TMOD1: variants seen among roughly 807,000 people sequenced by gnomAD.
TMOD1 encodes the protein tropomodulin-1.
TMOD1 carries 17 observed loss-of-function variants against 40.6 expected under a neutral mutation model. That is an observed-to-expected ratio of 0.42 (90% CI 0.29 to 0.63). TMOD1 has a LOEUF of 0.63. Among genes scored for constraint, TMOD1 ranks in the 20% least tolerant of loss-of-function variants. The pLI is 0.22. For missense variants in TMOD1, 391 were observed against 447.6 expected, an observed-to-expected ratio of 0.87 and a Z score of 1.14; for synonymous variants, 181 against 175.0, an observed-to-expected ratio of 1.03 and a Z score of -0.27.
chr9:97,507,932 G>A (rs541372023), intron 1 of TMOD1, among the ~76,000 whole-genome samples: 10 of 152,080 alleles, frequency 6.6e-5, no homozygotes, highest in African/African-American at 2.2e-4. Flanking sequence ...GGCGGACTCC[G>A]GATCAGTCTG....
intron 8 of TMOD1, among the ~76,000 whole-genome samples, chr9:97,582,321 G>A (rs1279645191): frequency 6.3e-5 from 9 of 141,884 alleles, no homozygotes; most frequent in East Asian, 4.2e-4. Context: ...GATATGTGGC[G>A]TTATTTCTGA....
chr9:97,596,069 CA>C (rs922343142), intron 9 of TMOD1, among the ~76,000 whole-genome samples: 55 of 145,222 alleles, frequency 3.8e-4, no homozygotes, highest in Admixed American at 8.9e-4. Flanking sequence ...AAAACTCCAT[CA>C]AAAAAAAAAG....
At chr9:97,503,106 C>T (rs1218517233) in intron 1 of TMOD1, among the ~76,000 whole-genome samples, 1 of 152,158 alleles carries the variant, frequency 6.6e-6, no homozygotes, top group East Asian at 1.9e-4. Context: ...CCCCTAGGGC[C>T]CCCACCCCAT....
intron 8 of TMOD1, among the ~76,000 whole-genome samples, chr9:97,581,026 G>T: frequency 1.6e-5 from 2 of 125,548 alleles, no homozygotes; most frequent in African/African-American, 3.1e-5. Context: ...TAAGTTTTAG[G>T]GTACATGTGC....
intron 9 of TMOD1, among the ~76,000 whole-genome samples, chr9:97,599,085 A>T (rs1030582816): frequency 6.6e-6 from 1 of 152,128 alleles, no homozygotes; most frequent in Non-Finnish European, 1.5e-5. Context: ...CATGGCATTT[A>T]ACTACTTTGT....
rs1826253837 is a variant in TMOD1 at position 97,601,346 on chromosome 9, G to C, written c.*1648G>C. On this transcript the variant is annotated 3_prime_UTR_variant, in exon 10 of 10. Coordinates refer to ENST00000259365, the MANE Select transcript of TMOD1 (RefSeq NM_003275.4). ...CTGGGCAGCCACCATGGCAGTGCTG[G>C]ATGACCTCAGTAAGAATGTGTCATG... The C allele has an allele frequency of 8.8e-7, 1 of 1,139,296 alleles. No homozygotes were observed. The highest frequency in any genetic ancestry group is 1.1e-6 in the Non-Finnish European group (1 of 913,856). 70.6% of individuals were successfully genotyped at this position (1,139,296 alleles called of 1,614,324 possible).
intron 8 of TMOD1, among the ~76,000 whole-genome samples, chr9:97,572,747 T>C (rs1351496528): frequency 1.3e-5 from 2 of 152,212 alleles, no homozygotes; most frequent in Middle Eastern, 3.2e-3. Context: ...CAAGTCTCTG[T>C]CCTTCTTTCT....
intron 8 of TMOD1, among the ~76,000 whole-genome samples, chr9:97,584,348 G>C (rs979558007): frequency 6.6e-6 from 1 of 151,724 alleles, no homozygotes; most frequent in Admixed American, 6.6e-5. Context: ...TAGTTTGATT[G>C]CACTGTGGTC....
intron 2 of TMOD1, among the ~76,000 whole-genome samples, chr9:97,536,376 TA>T (rs765760179): frequency 6.6e-5 from 10 of 152,028 alleles, no homozygotes; most frequent in Non-Finnish European, 1.2e-4. Context: ...AGGGCACACT[TA>T]GGTTAAATTG....
At chr9:97,556,244 G>T (rs1334200658) in intron 4 of TMOD1, among the ~76,000 whole-genome samples, 1 of 152,202 alleles carries the variant, frequency 6.6e-6, no homozygotes, top group Non-Finnish European at 1.5e-5. Context: ...AGGCCGAGCA[G>T]CTGAGATGGT....
chr9:97,524,108 C>T (rs540326062), intron 1 of TMOD1, 33 bp from the exon 2 acceptor site: 74 of 1,501,714 alleles, frequency 4.9e-5, no homozygotes, highest in Middle Eastern at 3.6e-4. Flanking sequence ...AAATCTGAGA[C>T]GGGTCTTTCT....
At chr9:97,571,755 T>C (rs1032088139) in intron 8 of TMOD1, among the ~76,000 whole-genome samples, 5 of 152,260 alleles carry the variant, frequency 3.3e-5, no homozygotes, top group African/African-American at 4.8e-5. Context: ...TATAATGCTA[T>C]GCCTGTCTGG....
At chr9:97,599,563 T>C in intron 9 of TMOD1, 71 bp from the exon 10 acceptor site, 1 of 1,601,660 alleles carries the variant, frequency 6.2e-7, no homozygotes. Flanking sequence ...TCACAGTGCT[T>C]TCTCAGCAAC....
intron 8 of TMOD1, among the ~76,000 whole-genome samples, chr9:97,576,025 C>T (rs1466722067): frequency 1.3e-5 from 2 of 152,100 alleles, no homozygotes; most frequent in Non-Finnish European, 2.9e-5. Context: ...CCACGTTGTT[C>T]GTAACACGAA....
At chr9:97,531,031 A>ACCCC (rs1448319608) in intron 2 of TMOD1, among the ~76,000 whole-genome samples, 1 of 81,190 alleles carries the variant, frequency 1.2e-5, no homozygotes, top group African/African-American at 5.7e-5. Flanking sequence ...TAGGTGATCC[A>ACCCC]CACCCACCCC....
chr9:97,534,914 G>A (rs1046708012), intron 2 of TMOD1, among the ~76,000 whole-genome samples: 3 of 152,194 alleles, frequency 2.0e-5, no homozygotes, highest in African/African-American at 7.2e-5. Flanking sequence ...CAGGGGAGCT[G>A]GAGTGACAGA....
At chr9:97,591,824 A>G (rs1178976471) in intron 9 of TMOD1, among the ~76,000 whole-genome samples, 4 of 152,154 alleles carry the variant, frequency 2.6e-5, no homozygotes, top group Non-Finnish European at 5.9e-5. Flanking sequence ...TTTAGCCCCA[A>G]ATCCCAAAAC....
chr9:97,535,294 C>T (rs949053441), intron 2 of TMOD1, among the ~76,000 whole-genome samples: 8 of 152,150 alleles, frequency 5.3e-5, no homozygotes, highest in Non-Finnish European at 1.0e-4. Flanking sequence ...AGGGCTGGAA[C>T]GAGGGTGATG....
chr9:97,506,210 C>T (rs936752920), intron 1 of TMOD1, among the ~76,000 whole-genome samples: 2 of 152,180 alleles, frequency 1.3e-5, no homozygotes, highest in African/African-American at 4.8e-5. Flanking sequence ...CCTGTACCCC[C>T]ACAGCCCCCT....
Sources: allele counts gnomAD v4.1 joint callset (sites outside exome capture counted in the v4.1 genomes callset), GRCh38; gene constraint gnomAD v4.1.1; transcripts MANE v1.5; gene names NCBI Gene and HGNC (gene_info 2026-07-23, HGNC 2026-07-21).